The following TLX3 variants were observed in gnomAD, a reference collection of about 807,000 sequenced individuals.
The protein encoded by TLX3 is T-cell leukemia homeobox protein 3.
Under a neutral mutation model 19.6 loss-of-function variants are expected in TLX3, and 11 were observed. The observed-to-expected ratio is 0.56, with a 90% CI of 0.35 to 0.93. The LOEUF (loss-of-function observed/expected upper bound fraction) is 0.93. Among genes scored for constraint, TLX3 ranks in the 40% least tolerant of loss-of-function variants. The pLI is 0.01. For synonymous variants in TLX3, 221 were observed against 188.1 expected (o/e 1.17, Z -1.43); for missense variants, 375 against 418.6 (o/e 0.90, Z 0.91).
In TLX3 at chr5:171,310,346, G is replaced by T. The variant is rs984773220; in HGVS notation, c.618G>T (p.Thr206=). 1.2e-6 allele frequency: 2 copies of T among 1,613,340 alleles called. No homozygotes were observed. Among genetic ancestry groups the T allele is most frequent in the African/African-American group, 1.3e-5 (1 of 74,920 alleles). The change falls in exon 2 of 3, where the codon ACG becomes ACT. Residue 206 remains threonine, a synonymous_variant. Transcript: ENST00000296921. ...CGCTCGCCAAGTCCCTCAAAATGAC[G>T]GACGCGCAGGTCAAGACCTGGTTCC... is the stretch of plus-strand genomic sequence containing the variant. The part of the protein sequence containing the change: ...RAALAKSLKM[T]DAQVKTWFQN...
At chr5:171,310,831 G>A (rs977853212) in intron 2 of TLX3, among the ~76,000 whole-genome samples, 16 of 151,184 alleles carry the variant, frequency 1.1e-4, no homozygotes, top group South Asian at 2.1e-4. Flanking sequence ...AACAATCCTC[G>A]TGGACGCCGG....
In TLX3 at chr5:171,311,602, C is replaced by T; in HGVS notation, c.*3C>T. The T allele has an allele frequency of 6.3e-7, 1 of 1,599,752 alleles. No individual in the cohort carries two copies. Among genetic ancestry groups the T allele is most frequent in the South Asian group, 1.1e-5 (1 of 89,374 alleles). On this transcript the variant is annotated 3_prime_UTR_variant, in exon 3 of 3. Transcript: ENST00000296921. The surrounding 1 kb of genome is among the most constrained non-coding windows in gnomAD (Gnocchi z 5.1). ...CCGCTGTCACCTCCCTGGTGTGAGC[C>T]CACCAGCGCGCACCGTCGCCACGGA...
Position 171,311,370 on chromosome 5 carries a change from T to A in TLX3, c.666-19T>A. 1 of 1,546,106 alleles carries A rather than the reference T, an allele frequency of 6.5e-7. No individual in the cohort carries two copies. Among genetic ancestry groups the A allele is most frequent in the Non-Finnish European group, 8.7e-7 (1 of 1,145,454 alleles). ...GCCGGGTGCATGACGGTACTGTCCC[T>A]CTCCCTCCCCCGGTGCAGGCGGCAG... On this transcript the variant is annotated intron_variant, in intron 2 of 2. Transcript: ENST00000296921. This position sits in a 1 kb window ranked among gnomAD's most constrained non-coding sequence, Gnocchi z 5.1.
Position 171,309,522 on chromosome 5 carries a change from G to A in TLX3, c.157G>A (p.Gly53Ser), listed in dbSNP as rs200001019. 139 of 1,564,910 alleles carry A rather than the reference G, an allele frequency of 8.9e-5. No homozygotes were observed. The Middle Eastern group carries it at 1.7e-3, about 19-fold the overall frequency. The change falls in exon 1 of 3, where the codon GGC becomes AGC. Residue 53 changes from glycine (G) to serine (S), a missense_variant. By Grantham distance (56) the Gly-to-Ser change is moderately conservative. Coordinates refer to ENST00000296921, the MANE Select transcript of TLX3 (RefSeq NM_021025.4). The part of the protein sequence containing the change: ...YLGGPPGGRP[G>S]ATYPSLPASF... ...GGGAGGGCCCCCCGGGGGCCGTCCG[G>A]GCGCCACATACCCGTCTCTGCCCGC...
At position 171,311,377 on chromosome 5, in the gene TLX3, C is replaced by T. The variant is rs1581211210; in HGVS notation, c.666-12C>T. 1.9e-6 allele frequency: 3 copies of T among 1,549,114 alleles called. No individual in the cohort carries two copies. Among genetic ancestry groups the T allele is most frequent in the East Asian group, 4.9e-5 (2 of 40,942 alleles). On this transcript the variant is annotated splice_polypyrimidine_tract_variant and intron_variant, in intron 2 of 2. Transcript: ENST00000296921. The surrounding 1 kb of genome is among the most constrained non-coding windows in gnomAD (Gnocchi z 5.1). ...GCATGACGGTACTGTCCCTCTCCCT[C>T]CCCCGGTGCAGGCGGCAGACGGCGG...
chr5:171,310,411 C>G lies in TLX3; in HGVS notation c.665+18C>G, dbSNP rs1173363619. The G allele has an allele frequency of 1.2e-6, 2 of 1,610,830 alleles. No individual in the cohort carries two copies. The highest frequency in any genetic ancestry group is 2.7e-5 in the African/African-American group (2 of 74,880). ...AAGTGGCGGTGAGAGAGGCCTGACCCGGCCCACCTTACACCTGCCCTTCAC... is the reference window on the plus strand; with the variant it reads ...AAGTGGCGGTGAGAGAGGCCTGACCGGGCCCACCTTACACCTGCCCTTCAC... On this transcript the variant is annotated intron_variant, in intron 2 of 2. Coordinates refer to ENST00000296921, the MANE Select transcript of TLX3 (RefSeq NM_021025.4).
intron 1 of TLX3, 145 bp downstream of exon 1, chr5:171,309,931 G>A (rs1769192315): frequency 7.6e-7 from 1 of 1,310,910 alleles, no homozygotes; most frequent in Admixed American, 2.9e-5. Flanking sequence ...CAGCCGTGGT[G>A]GGGAGGGTAA....
rs2303742 is a variant in TLX3 at position 171,309,470 on chromosome 5, G to A, written c.105G>A (p.Pro35=). The A allele has an allele frequency of 5.4e-4, 860 of 1,595,306 alleles. 5 individuals are homozygous for A. The East Asian group carries it at 0.018, about 34-fold the overall frequency. ...CGGACCAGGACAGCGCACCCGCCCC[G>A]CGGGGCCCCGACGGCGCCAGCTACC... ...NSPDQDSAPA[P]RGPDGASYLG... Residue 35 remains proline, a synonymous_variant, in exon 1 of 3, where the codon CCG becomes CCA. Coordinates refer to ENST00000296921, the MANE Select transcript of TLX3 (RefSeq NM_021025.4).
intron 1 of TLX3, 129 bp from the exon 2 acceptor site, chr5:171,310,021 T>C: frequency 7.1e-7 from 1 of 1,415,724 alleles, no homozygotes; most frequent in Non-Finnish European, 9.3e-7. Flanking sequence ...GCTTGGTGTC[T>C]CTGGAAACGC....
chr5:171,309,346 A>AAAC lies in TLX3; in HGVS notation c.-20_-19insAAC. 9.8e-6 allele frequency: 5 copies of AAAC among 511,004 alleles called. No individual in the cohort carries two copies. Among genetic ancestry groups the AAAC allele is most frequent in the South Asian group, 1.8e-5 (1 of 56,950 alleles). 31.7% of individuals were successfully genotyped at this position (511,004 alleles called of 1,614,324 possible). On this transcript the variant is annotated 5_prime_UTR_variant, in exon 1 of 3. Coordinates refer to ENST00000296921, the MANE Select transcript of TLX3 (RefSeq NM_021025.4). ...GCCGCCTCCCCGCCCAGCCCAGCCCAGCCCTTCCGCCCGCCCAGGATGGAG... is the reference window on the plus strand; with the variant it reads ...GCCGCCTCCCCGCCCAGCCCAGCCCAAACGCCCTTCCGCCCGCCCAGGATGGAG...
rs1769186612 is a variant in TLX3, at chr5:171,309,688, T to C, written c.323T>C (p.Leu108Pro). ...GTGCCACCGCCTCTGCCAAGCGCGC[T>C]ACCCGCCATGCCCTCCGTGCCCACG... ...GAVPPPLPSA[L>P]PAMPSVPTVS... The change falls in exon 1 of 3, where the codon CTA becomes CCA. Residue 108 changes from leucine (L) to proline (P), a missense_variant. Physicochemically the swap from Leu to Pro is moderately conservative, Grantham distance 98. This residue lies in a region of TLX3 where 239 missense variants were observed against 217.0 expected (regional missense o/e 1.10). Coordinates refer to ENST00000296921, the MANE Select transcript of TLX3 (RefSeq NM_021025.4). 4 of 1,609,900 alleles carry C rather than the reference T, an allele frequency of 2.5e-6. No individual in the cohort carries two copies. Among genetic ancestry groups the C allele is most frequent in the African/African-American group, 1.3e-5 (1 of 74,838 alleles).
chr5:171,311,813 C>A lies in TLX3; in HGVS notation c.*214C>A. 2.6e-6 allele frequency: 1 copy of A among 379,970 alleles called. No homozygotes were observed. The highest frequency in any genetic ancestry group is 4.6e-6 in the Non-Finnish European group (1 of 216,402). 23.5% of individuals were successfully genotyped at this position (379,970 alleles called of 1,614,324 possible). On this transcript the variant is annotated 3_prime_UTR_variant, in exon 3 of 3. Coordinates refer to ENST00000296921, the MANE Select transcript of TLX3 (RefSeq NM_021025.4). This position sits in a 1 kb window ranked among gnomAD's most constrained non-coding sequence, Gnocchi z 5.1. ...CACAATCCGAGCCCCCGCCCCGCGCCCCGTCCCGCCCCAGGCCCGGGCCTG... is the reference window on the plus strand; with the variant it reads ...CACAATCCGAGCCCCCGCCCCGCGCACCGTCCCGCCCCAGGCCCGGGCCTG...
chr5:171,309,803 ACCAGGCTCCAGGCCTCCGCCCTCTCGGGG>A lies in TLX3; in HGVS notation c.421+22_421+50del, dbSNP rs1769189172. 2 of 1,570,498 alleles carry A rather than the reference ACCAGGCTCCAGGCCTCCGCCCTCTCGGGG, an allele frequency of 1.3e-6. No individual in the cohort carries two copies. The highest frequency in any genetic ancestry group is 2.3e-5 in the South Asian group (2 of 85,408). Reference sequence around the variant, plus strand: ...GCTTCACAGGTGAGCAGAGCTGGCGACCAGGCTCCAGGCCTCCGCCCTCTCGGGGCCAGAGGCGCCGCGCCCTGTGCGCT... The same window carrying A: ...GCTTCACAGGTGAGCAGAGCTGGCGACCAGAGGCGCCGCGCCCTGTGCGCT... On this transcript the variant is annotated intron_variant, in intron 1 of 2. Transcript: ENST00000296921.
In TLX3 at chr5:171,311,501, C is replaced by G. The variant is rs768502776; in HGVS notation, c.778C>G (p.Pro260Ala). Reference sequence around the variant, plus strand: ...CCTCAACGACTCCATCCAGCCTGACCCGCTCTGTCTGCACAACTCGTCACT... The same window carrying G: ...CCTCAACGACTCCATCCAGCCTGACGCGCTCTGTCTGCACAACTCGTCACT... ...KSLNDSIQPD[P>A]LCLHNSSLFA... The change falls in exon 3 of 3, where the codon CCG (proline) becomes GCG (alanine). Residue 260 changes from proline (P) to alanine (A), a missense_variant. By Grantham distance (27) the Pro-to-Ala change is conservative. Coordinates refer to ENST00000296921, the MANE Select transcript of TLX3 (RefSeq NM_021025.4). The surrounding 1 kb of genome is among the most constrained non-coding windows in gnomAD (Gnocchi z 5.1). 1.2e-6 allele frequency: 2 copies of G among 1,613,102 alleles called. No individual in the cohort carries two copies. The highest frequency in any genetic ancestry group is 2.7e-5 in the African/African-American group (2 of 74,898).
chr5:171,311,385 G>A lies in TLX3; in HGVS notation c.666-4G>A. The stretch of plus-strand genomic sequence containing the variant: ...GTACTGTCCCTCTCCCTCCCCCGGT[G>A]CAGGCGGCAGACGGCGGAGGAGCGG... On this transcript the variant is annotated splice_polypyrimidine_tract_variant and splice_region_variant and intron_variant, in intron 2 of 2. Transcript: ENST00000296921. The surrounding 1 kb of genome is among the most constrained non-coding windows in gnomAD (Gnocchi z 5.1). 6.4e-7 allele frequency: 1 copy of A among 1,551,250 alleles called. No individual in the cohort carries two copies. Among genetic ancestry groups the A allele is most frequent in the African/African-American group, 1.4e-5 (1 of 73,224 alleles).
intron 2 of TLX3, among the ~76,000 whole-genome samples, chr5:171,310,732 GCACACA>G (rs57258058): frequency 0.016 from 709 of 43,892 alleles, 14 homozygotes; most frequent in African/African-American, 0.037. Flanking sequence ...AAACACACAG[GCACACA>G]CACACACACA....
rs894996817 is a variant in TLX3 at position 171,309,521 on chromosome 5, G to A, written c.156G>A (p.Pro52=). The A allele has an allele frequency of 1.9e-6, 3 of 1,564,662 alleles. No homozygotes were observed. Among genetic ancestry groups the A allele is most frequent in the Admixed American group, 1.9e-5 (1 of 51,784 alleles). The change falls in exon 1 of 3, where the codon CCG becomes CCA. Residue 52 remains proline, a synonymous_variant. Coordinates refer to ENST00000296921, the MANE Select transcript of TLX3 (RefSeq NM_021025.4). ...TGGGAGGGCCCCCCGGGGGCCGTCCGGGCGCCACATACCCGTCTCTGCCCG... is the reference window on the plus strand; with the variant it reads ...TGGGAGGGCCCCCCGGGGGCCGTCCAGGCGCCACATACCCGTCTCTGCCCG... ...SYLGGPPGGR[P]GATYPSLPAS...
chr5:171,309,330 C>A lies in TLX3; in HGVS notation c.-36C>A. On this transcript the variant is annotated 5_prime_UTR_variant, in exon 1 of 3. Coordinates refer to ENST00000296921, the MANE Select transcript of TLX3 (RefSeq NM_021025.4). ...CCGTAACGGGGACCCAGCCGCCTCC[C>A]CGCCCAGCCCAGCCCAGCCCTTCCG... The A allele has an allele frequency of 7.2e-6, 7 of 969,464 alleles. No individual in the cohort carries two copies. Among genetic ancestry groups the A allele is most frequent in the South Asian group, 6.2e-5 (4 of 64,600 alleles). 60.1% of individuals were successfully genotyped at this position (969,464 alleles called of 1,614,324 possible). A position where few individuals can be genotyped will look rare whatever the true frequency, so the allele number is the denominator to read the frequency against.
chr5:171,310,295 G>A lies in TLX3; in HGVS notation c.567G>A (p.Lys189=). The A allele has an allele frequency of 6.2e-7, 1 of 1,601,576 alleles. No individual in the cohort carries two copies. Among genetic ancestry groups the A allele is most frequent in the Non-Finnish European group, 8.5e-7 (1 of 1,174,438 alleles). The change falls in exon 2 of 3, where the codon AAG becomes AAA. Residue 189 remains lysine (K), a synonymous_variant. Transcript: ENST00000296921. ...CELEKRFHRQ[K]YLASAERAAL... is the part of the protein sequence containing the mutation. ...TGGAAAAGCGCTTCCATCGCCAGAA[G>A]TACCTGGCCTCTGCCGAGAGGGCGG...
Sources: allele counts gnomAD v4.1 joint callset (sites outside exome capture counted in the v4.1 genomes callset), GRCh38; gene constraint gnomAD v4.1.1; regional missense constraint gnomAD v4.1.1; non-coding constraint Gnocchi (gnomAD v3.1); transcripts MANE v1.5; gene names NCBI Gene and HGNC (gene_info 2026-07-23, HGNC 2026-07-21).